The following HEXB variants were observed in gnomAD, a reference collection of about 807,000 sequenced individuals.
HEXB encodes the protein hexosaminidase subunit beta.
In HEXB, 51 loss-of-function variants were observed where a neutral mutation model predicts 71.2. The ratio of observed to expected loss-of-function variants is 0.72; its 90% CI spans 0.57 to 0.90. The LOEUF is 0.90. Among genes scored for constraint, HEXB ranks in the 40% least tolerant of loss-of-function variants. The pLI, the probability that HEXB is intolerant of heterozygous loss-of-function variation, is 0.00. For missense variants in HEXB, 617 were observed against 677.0 expected, an observed-to-expected ratio of 0.91 and a Z score of 0.98; for synonymous variants, 266 against 249.3, an observed-to-expected ratio of 1.07 and a Z score of -0.63.
At position 74,716,204 on chromosome 5, in the gene HEXB, T is replaced by C. The variant is rs552379946; in HGVS notation, c.1083-383T>C. Among the ~76,000 whole-genome samples the C allele has an allele frequency of 2.0e-5, 3 of 151,920 alleles. No homozygotes were observed. In the East Asian group the frequency reaches 5.8e-4, roughly 29 times the overall value. ...ACATTTTGGTATGGCAAAGTAAAGC[T>C]TGAGGAAAAACAAGATGCAGAAGAA... On this transcript the variant is annotated intron_variant, in intron 8 of 13. Coordinates refer to ENST00000261416, the MANE Select transcript of HEXB (RefSeq NM_000521.4).
chr5:74,653,317 C>T (rs1748157517), intron 1 of HEXB, among the ~76,000 whole-genome samples: 1 of 152,230 alleles, frequency 6.6e-6, no homozygotes, highest in Non-Finnish European at 1.5e-5. Flanking sequence ...AGTAATCCCA[C>T]TCCTGGATCA....
chr5:74,651,458 G>A (rs1748109028), intron 1 of HEXB, among the ~76,000 whole-genome samples: 2 of 152,168 alleles, frequency 1.3e-5, no homozygotes, highest in Admixed American at 1.3e-4. Context: ...GCTAAGGCAA[G>A]AAAGTCTAAC....
chr5:74,710,394 C>A (rs1177170712), intron 6 of HEXB, among the ~76,000 whole-genome samples: 2 of 152,206 alleles, frequency 1.3e-5, no homozygotes, highest in Admixed American at 6.5e-5. Context: ...GGGATGCCCC[C>A]TCTCACCACT....
In HEXB at chr5:74,721,234, C is replaced by A; in HGVS notation, c.*59C>A. On this transcript the variant is annotated 3_prime_UTR_variant, in exon 14 of 14. Transcript: ENST00000261416. ...ACTACAATCAACTTTATTTTGAAATCATGTAAAATAAGATATTAGACTGTT... is the reference window on the plus strand; with the variant it reads ...ACTACAATCAACTTTATTTTGAAATAATGTAAAATAAGATATTAGACTGTT... 2 of 1,296,780 alleles carry A rather than the reference C, an allele frequency of 1.5e-6. No individual in the cohort carries two copies. The highest frequency in any genetic ancestry group is 2.2e-6 in the Non-Finnish European group (2 of 891,814). The allele number at this position is 1,296,780 out of a possible 1,614,324, so 80.3% of individuals were successfully genotyped here.
At chr5:74,700,462 AT>A (rs914387851) in intron 5 of HEXB, among the ~76,000 whole-genome samples, 2 of 151,718 alleles carry the variant, frequency 1.3e-5, no homozygotes, top group South Asian at 4.1e-4. Flanking sequence ...ATTAATTTAA[AT>A]TTTTTATATT....
chr5:74,674,605 G>GAAAAAAAAAA (rs1199567534), intron 1 of HEXB, among the ~76,000 whole-genome samples: 1 of 94,872 alleles, frequency 1.1e-5, no homozygotes, highest in African/African-American at 4.1e-5. Context: ...CTCTGTCTCA[G>GAAAAAAAAAA]AAAAAAAAAA....
intron 1 of HEXB, among the ~76,000 whole-genome samples, chr5:74,687,063 A>G (rs1748891257): frequency 6.6e-6 from 1 of 152,224 alleles, no homozygotes; most frequent in Non-Finnish European, 1.5e-5. Flanking sequence ...TGGTATTTCA[A>G]GGCATGTGCG....
At chr5:74,654,002 C>A (rs1222639898) in intron 1 of HEXB, among the ~76,000 whole-genome samples, 5 of 152,150 alleles carry the variant, frequency 3.3e-5, no homozygotes, top group Middle Eastern at 3.4e-3. Flanking sequence ...GTCACTTATC[C>A]TATGGACGCC....
At chr5:74,686,562 C>A (rs879602699) in intron 1 of HEXB, among the ~76,000 whole-genome samples, 7 of 152,184 alleles carry the variant, frequency 4.6e-5, no homozygotes, top group African/African-American at 1.4e-4. Flanking sequence ...CCAGATAGGA[C>A]AGGTGCCTAG....
chr5:74,702,268 C>T (rs892843909), intron 5 of HEXB, among the ~76,000 whole-genome samples: 335 of 150,666 alleles, frequency 2.2e-3, no homozygotes, highest in African/African-American at 7.9e-3. Context: ...TTAGTAGAGA[C>T]GGGGTTTCAC....
chr5:74,682,151 G>A (rs983650165), upstream of HEXB, among the ~76,000 whole-genome samples: 1 of 152,240 alleles, frequency 6.6e-6, no homozygotes, highest in African/African-American at 2.4e-5. Flanking sequence ...GAGATCAGGA[G>A]ATCGAGACCA....
chr5:74,644,454 T>C (rs1426846380), intron 1 of HEXB, among the ~76,000 whole-genome samples: 5 of 152,162 alleles, frequency 3.3e-5, no homozygotes, highest in Non-Finnish European at 7.3e-5. Flanking sequence ...AATACAGATA[T>C]ACAAACCTAG....
At chr5:74,651,891 A>G (rs369175027) in intron 1 of HEXB, among the ~76,000 whole-genome samples, 6 of 152,230 alleles carry the variant, frequency 3.9e-5, no homozygotes, top group Non-Finnish European at 8.8e-5. Flanking sequence ...AAGCCAGAGC[A>G]TATCTCCAGG....
intron 3 of HEXB, among the ~76,000 whole-genome samples, chr5:74,694,069 G>T (rs1566431): frequency 4.6e-5 from 7 of 152,124 alleles, no homozygotes; most frequent in Admixed American, 4.6e-4. Context: ...TGAGGTGGGA[G>T]GATTGCTTGA....
intron 5 of HEXB, 116 bp from the exon 6 acceptor site, chr5:74,705,103 A>T: frequency 1.5e-6 from 1 of 678,250 alleles, no homozygotes; most frequent in Admixed American, 2.3e-5. Context: ...AAAAAAAAAA[A>T]AAAAAAAAAG....
At chr5:74,699,115 G>A (rs55754641) in intron 5 of HEXB, among the ~76,000 whole-genome samples, 7 of 151,996 alleles carry the variant, frequency 4.6e-5, no homozygotes, top group African/African-American at 1.7e-4. Context: ...ACCTGGGAGA[G>A]GGAGGTTGGA....
intron 1 of HEXB, among the ~76,000 whole-genome samples, chr5:74,659,597 A>T (rs916887097): frequency 1.3e-5 from 2 of 152,202 alleles, no homozygotes; most frequent in African/African-American, 4.8e-5. Context: ...GTGAATATGG[A>T]GAAAAAGTGG....
chr5:74,691,891 C>A (rs1203063994), intron 2 of HEXB, among the ~76,000 whole-genome samples: 1 of 152,134 alleles, frequency 6.6e-6, no homozygotes, highest in African/African-American at 2.4e-5. Flanking sequence ...TTTCACACTT[C>A]AGGGAAGTGA....
intron 6 of HEXB, chr5:74,705,997 A>G (rs147653519): frequency 1.8e-4 from 28 of 153,184 alleles, no homozygotes; most frequent in African/African-American, 6.7e-4. Flanking sequence ...AAATGTGCTA[A>G]CAGCACTTGT....
Sources: allele counts gnomAD v4.1 joint callset (sites outside exome capture counted in the v4.1 genomes callset), GRCh38; gene constraint gnomAD v4.1.1; transcripts MANE v1.5; gene names NCBI Gene and HGNC (gene_info 2026-07-23, HGNC 2026-07-21).